Variants in TMEM120A observed in about 807,000 individuals in gnomAD.
The protein encoded by TMEM120A is transmembrane protein 120A.
TMEM120A carries 45 observed loss-of-function variants against 54.3 expected under a neutral mutation model. The observed-to-expected ratio is 0.83, with a 90% CI of 0.65 to 1.06. The LOEUF is 1.06. Among genes scored for constraint, TMEM120A ranks in the 50% least tolerant of loss-of-function variants. The pLI, the probability that TMEM120A is intolerant of heterozygous loss-of-function variation, is 0.00. For missense variants in TMEM120A, 424 were observed against 441.7 expected, an observed-to-expected ratio of 0.96 and a Z score of 0.36; for synonymous variants, 204 against 178.5, an observed-to-expected ratio of 1.14 and a Z score of -1.14.
In TMEM120A at chr7:75,992,964, G is replaced by A. The variant is rs527551458; in HGVS notation, c.82-407C>T. ...ATTACAGGCACCTGCCATCATGCCTGGCTAATTTTTGTATTTTTGTAGAGA... is the reference window on the plus strand; with the variant it reads ...ATTACAGGCACCTGCCATCATGCCTAGCTAATTTTTGTATTTTTGTAGAGA... On this transcript the variant is annotated intron_variant, in intron 1 of 11. Coordinates refer to ENST00000493111, the MANE Select transcript of TMEM120A (RefSeq NM_031925.3). Among the ~76,000 whole-genome samples the A allele has an allele frequency of 1.1e-4, 16 of 152,242 alleles. No individual in the cohort carries two copies. In the East Asian group the frequency reaches 1.7e-3, roughly 17 times the overall value.
chr7:75,992,670 C>G, intron 1 of TMEM120A, 113 bp from the exon 2 acceptor site: 1 of 728,634 alleles, frequency 1.4e-6, no homozygotes, highest in Non-Finnish European at 2.2e-6. Flanking sequence ...TTTCGCTCAG[C>G]GGGAAAGGAG....
In TMEM120A at chr7:75,986,888, C is replaced by T. The variant is rs1248833568; in HGVS notation, c.*284G>A. 1.7e-6 allele frequency: 1 copy of T among 583,292 alleles called. No individual in the cohort carries two copies. Among genetic ancestry groups the T allele is most frequent in the East Asian group, 2.8e-5 (1 of 35,540 alleles). 36.1% of individuals were successfully genotyped at this position (583,292 alleles called of 1,614,324 possible). A position where few individuals can be genotyped will look rare whatever the true frequency, so the allele number is the denominator to read the frequency against. On this transcript the variant is annotated 3_prime_UTR_variant, in exon 12 of 12. Coordinates refer to ENST00000493111, the MANE Select transcript of TMEM120A (RefSeq NM_031925.3). ...GGTATTGTGTGAGTAGATCTGGGAC[C>T]TCCACCTGCATCAACTTAACTAACT...
chr7:75,988,607 G>A (rs1253089229), intron 4 of TMEM120A, 91 bp from the exon 5 acceptor site: 19 of 701,518 alleles, frequency 2.7e-5, no homozygotes, highest in East Asian at 8.6e-5. Context: ...AAGGGTAGTC[G>A]GATGGAGGAG....
At chr7:75,989,104 G>GGGGGGAGGGGGGGAGA in intron 4 of TMEM120A, 61 bp downstream of exon 4, 1 of 470,620 alleles carries the variant, frequency 2.1e-6, no homozygotes, top group Admixed American at 2.8e-5. Flanking sequence ...AGGGGGGGAG[G>GGGGGGAGGGGGGGAGA]GGGGTAGGGG....
In TMEM120A at chr7:75,989,169, CCTG is replaced by C; in HGVS notation, c.370_372del (p.Gln124del). The C allele has an allele frequency of 1.5e-6, 2 of 1,371,902 alleles. No homozygotes were observed. The highest frequency in any genetic ancestry group is 1.9e-6 in the Non-Finnish European group (2 of 1,029,406). The allele number at this position is 1,371,902 out of a possible 1,614,324, so 85.0% of individuals were successfully genotyped here. A position where few individuals can be genotyped will look rare whatever the true frequency, so the allele number is the denominator to read the frequency against. On this transcript the variant is annotated inframe_deletion, in exon 4 of 12. Coordinates refer to ENST00000493111, the MANE Select transcript of TMEM120A (RefSeq NM_031925.3). ...GTGGAGGCTCGGCCTGATTACTTAGCCTGCTTGCTCAGGAGCGTGACGTTGACG... is the reference window on the plus strand; with the variant it reads ...GTGGAGGCTCGGCCTGATTACTTAGCCTTGCTCAGGAGCGTGACGTTGACG...
chr7:75,988,402 G>T lies in TMEM120A; in HGVS notation c.473+19C>A. The T allele has an allele frequency of 6.2e-7, 1 of 1,606,186 alleles. No individual in the cohort carries two copies. The highest frequency in any genetic ancestry group is 8.5e-7 in the Non-Finnish European group (1 of 1,174,604). On this transcript the variant is annotated intron_variant, in intron 5 of 11. Coordinates refer to ENST00000493111, the MANE Select transcript of TMEM120A (RefSeq NM_031925.3). ...CGACTGGGGATGGGGTGGGTCCTCG[G>T]CCGGGGTGGGACGCCCACCTGGAGT...
intron 6 of TMEM120A, 28 bp downstream of exon 6, chr7:75,988,224 C>T: frequency 6.2e-7 from 1 of 1,611,928 alleles, no homozygotes; most frequent in Non-Finnish European, 8.5e-7. Context: ...ATTCCATGCT[C>T]CCCTCCCTCA....
chr7:75,994,353 C>T, intron 1 of TMEM120A, 137 bp downstream of exon 1: 1 of 716,862 alleles, frequency 1.4e-6, no homozygotes, highest in Non-Finnish European at 2.3e-6. Flanking sequence ...AGGGGCCTCG[C>T]CCCCCTTGGC....
chr7:75,987,648 G>A, intron 9 of TMEM120A, 46 bp from the exon 10 acceptor site: 1 of 1,604,552 alleles, frequency 6.2e-7, no homozygotes. Flanking sequence ...GGACAGAGGG[G>A]ACGCTACCAC....
chr7:75,989,311 G>A (rs1407342672), intron 3 of TMEM120A, 87 bp from the exon 4 acceptor site: 3 of 886,208 alleles, frequency 3.4e-6, no homozygotes, highest in Non-Finnish European at 5.5e-6. Context: ...CCAGAGCCTG[G>A]GCCACCACCC....
At position 75,994,397 on chromosome 7, in the gene TMEM120A, C is replaced by T. The variant is rs1038725037; in HGVS notation, c.81+93G>A. On this transcript the variant is annotated intron_variant, in intron 1 of 11. Coordinates refer to ENST00000493111, the MANE Select transcript of TMEM120A (RefSeq NM_031925.3). ...CAGGGCCCCGACCCCTGACCCTTAG[C>T]TCCCCACTGCCTGACCCAGGGCTGC... The T allele has an allele frequency of 1.3e-5, 16 of 1,188,494 alleles. No homozygotes were observed. In the African/African-American group the frequency reaches 2.3e-4, roughly 17 times the overall value. 73.6% of individuals were successfully genotyped at this position (1,188,494 alleles called of 1,614,324 possible).
rs1789885994 is a variant in TMEM120A, at chr7:75,992,511, A to G, written c.128T>C (p.Leu43Pro). 1 of 1,592,748 alleles carries G rather than the reference A, an allele frequency of 6.3e-7. No homozygotes were observed. The highest frequency in any genetic ancestry group is 1.1e-5 in the South Asian group (1 of 88,080). Residue 43 changes from leucine to proline, a missense_variant, in exon 2 of 12, where the codon CTT becomes CCT. Leu to Pro is a moderately conservative substitution (Grantham distance 98). Transcript: ENST00000493111. The part of the protein sequence containing the change: ...YRLKLEELTK[L>P]QNNCTSSITR... ...GATGGAGCTGGTGCAATTGTTCTGA[A>G]GTTTGGTCAGCTCCTCCAGCTTCAG... is the stretch of plus-strand genomic sequence containing the variant.
Position 75,992,253 on chromosome 7 carries a change from G to T in TMEM120A, c.208C>A (p.Pro70Thr), listed in dbSNP as rs149750507. Reference sequence around the variant, plus strand: ...CCCTCGGCCTCTGCTGGGAGGGAGGGTTTGCATCTGCGGGTAAGGCCAGAA... The same window carrying T: ...CCCTCGGCCTCTGCTGGGAGGGAGGTTTTGCATCTGCGGGTAAGGCCAGAA... Reference protein sequence around the residue: ...ELALALKKCKPSLPAEAEGAA... With the variant: ...ELALALKKCKTSLPAEAEGAA... The change falls in exon 3 of 12, where the codon CCC (proline) becomes ACC (threonine). Residue 70 changes from proline to threonine, a missense_variant. Transcript: ENST00000493111. The T allele has an allele frequency of 2.1e-3, 3,325 of 1,605,752 alleles. 84 individuals are homozygous for T. The South Asian group carries it at 0.032, about 15-fold the overall frequency.
At position 75,987,956 on chromosome 7, in the gene TMEM120A, G is replaced by T. The variant is rs888199370; in HGVS notation, c.658C>A (p.Arg220=). ...WPDGLMYQKF[R]NQFLSFSMYQ... is the part of the protein sequence containing the mutation. ...ATGGAAAAGGAGAGGAATTGGTTCC[G>T]GAATTTCTGGTACATGAGACCGTCG... Residue 220 remains arginine (R), a synonymous_variant, in exon 8 of 12, where the codon CGG becomes AGG. Coordinates refer to ENST00000493111, the MANE Select transcript of TMEM120A (RefSeq NM_031925.3). The T allele has an allele frequency of 5.6e-6, 9 of 1,602,684 alleles. No individual in the cohort carries two copies. The highest frequency in any genetic ancestry group is 7.7e-6 in the Non-Finnish European group (9 of 1,175,242).
At position 75,987,184 on chromosome 7, in the gene TMEM120A, G is replaced by A; in HGVS notation, c.1020C>T (p.Ser340=). The A allele has an allele frequency of 6.2e-7, 1 of 1,601,436 alleles. No individual in the cohort carries two copies. Among genetic ancestry groups the A allele is most frequent in the Non-Finnish European group, 8.5e-7 (1 of 1,174,932 alleles). Residue 340 remains serine, a synonymous_variant, in exon 12 of 12, where the codon AGC becomes AGT. Transcript: ENST00000493111. ...GGAAGGCCCAGCCTCAATCCTTCTT[G>A]CTCCCGTGCCGCTGACTGTGAAACT... ...HHKFHSQRHG[S]KKD
Position 75,987,547 on chromosome 7 carries a change from GAA to G in TMEM120A, c.838_839del (p.Phe280LeufsTer9), listed in dbSNP as rs782569457. The G allele has an allele frequency of 3.1e-6, 5 of 1,592,610 alleles. No individual in the cohort carries two copies. Among genetic ancestry groups the G allele is most frequent in the Non-Finnish European group, 4.3e-6 (5 of 1,168,754 alleles). ...RGLTFLLPFL[F>X]FGHFWQLFNA... ...CAGAGGCACGACTTACGTGTCCAAA[GAA>G]AAGAAAAGGCAGCAGGAAGGTGAGG... On this transcript the variant is annotated frameshift_variant, in exon 10 of 12. Transcript: ENST00000493111. LOFTEE classifies it high-confidence loss of function.
Position 75,988,512 on chromosome 7 carries a change from C to T in TMEM120A, c.382G>A (p.Ala128Thr), listed in dbSNP as rs1789653310. The T allele has an allele frequency of 1.2e-6, 2 of 1,604,292 alleles. No individual in the cohort carries two copies. The highest frequency in any genetic ancestry group is 1.7e-6 in the Non-Finnish European group (2 of 1,177,806). ...AACTTCTCATACTCGTCCTTGTAGG[C>T]AAACCTGGGGGGCGCAGGCCGGTGA... Reference protein sequence around the residue: ...VTLLSKQAKFAYKDEYEKFKL... With the variant: ...VTLLSKQAKFTYKDEYEKFKL... Residue 128 changes from alanine to threonine, a missense_variant, in exon 5 of 12, where the codon GCC becomes ACC. Transcript: ENST00000493111.
chr7:75,994,385 C>T, intron 1 of TMEM120A, 105 bp downstream of exon 1: 5 of 1,064,874 alleles, frequency 4.7e-6, no homozygotes, highest in Admixed American at 4.3e-5. Context: ...GGCCCCGACC[C>T]CTGACCCTTA....
chr7:75,988,138 A>G lies in TMEM120A; in HGVS notation c.574T>C (p.Trp192Arg). Residue 192 changes from tryptophan (W) to arginine (R), a missense_variant, in exon 7 of 12, where the codon TGG (tryptophan) becomes CGG (arginine). Physicochemically the swap from Trp to Arg is moderately radical, Grantham distance 101. Coordinates refer to ENST00000493111, the MANE Select transcript of TMEM120A (RefSeq NM_031925.3). ...GACACGTAGTGATGGAACACCCACC[A>G]GCCTTTGATCCTGGAGCAGAGAGCC... ...LINNGSRIKG[W>R]WVFHHYVSTF... The G allele has an allele frequency of 6.2e-7, 1 of 1,610,704 alleles. No homozygotes were observed. Among genetic ancestry groups the G allele is most frequent in the Non-Finnish European group, 8.5e-7 (1 of 1,179,018 alleles).
Sources: gnomAD v4.1 joint callset for allele counts (sites outside exome capture counted in the v4.1 genomes callset) on GRCh38, gnomAD v4.1.1 for gene constraint, MANE v1.5 for transcripts, NCBI Gene and HGNC (gene_info 2026-07-23, HGNC 2026-07-21) for gene names.